Variants in MACF1 observed in about 807,000 individuals in gnomAD.
MACF1 encodes microtubule-actin cross-linking factor 1.
MACF1 carries 193 observed loss-of-function variants against 854.8 expected under a neutral mutation model. That is an observed-to-expected ratio of 0.23 (90% CI 0.20 to 0.25). The LOEUF (loss-of-function observed/expected upper bound fraction) is 0.25. Ranked by LOEUF, MACF1 falls within the 10% of genes least tolerant of loss-of-function variation. The pLI, the probability that MACF1 is intolerant of heterozygous loss-of-function variation, is 1.00. For missense variants in MACF1, 7,722 were observed against 8,929.1 expected, an observed-to-expected ratio of 0.86 and a Z score of 5.45; for synonymous variants, 3,185 against 3,226.7, an observed-to-expected ratio of 0.99 and a Z score of 0.44.
chr1:39,403,414 A>T (rs1464425659), intron 58 of MACF1, among the ~76,000 whole-genome samples: 1 of 152,038 alleles, frequency 6.6e-6, no homozygotes, highest in Non-Finnish European at 1.5e-5. Flanking sequence ...CTATATCTCT[A>T]TCCCAGCATT....
At chr1:39,098,363 C>T (rs1464166461) in intron 2 of MACF1, among the ~76,000 whole-genome samples, 1 of 152,188 alleles carries the variant, frequency 6.6e-6, no homozygotes, top group East Asian at 1.9e-4. Flanking sequence ...TCAAGGTCTC[C>T]CAGCCAGTAA....
intron 14 of MACF1, among the ~76,000 whole-genome samples, chr1:39,286,277 G>T (rs1645639280): frequency 6.6e-6 from 1 of 151,944 alleles, no homozygotes; most frequent in Admixed American, 6.6e-5. Flanking sequence ...GCCTCCCAAA[G>T]TGCTGGGATT....
At chr1:39,432,343 GA>G (rs552753339) in intron 66 of MACF1, among the ~76,000 whole-genome samples, 191 bp from the exon 67 acceptor site, 1 of 152,160 alleles carries the variant, frequency 6.6e-6, no homozygotes, top group Non-Finnish European at 1.5e-5. Context: ...TAAAGAAATT[GA>G]AATGTGGTCA....
chr1:39,130,661 T>C (rs553879592), intron 2 of MACF1, among the ~76,000 whole-genome samples: 3 of 152,242 alleles, frequency 2.0e-5, no homozygotes, highest in African/African-American at 7.2e-5. Flanking sequence ...CTAATTTATA[T>C]CCTTGAAATT....
Position 39,336,639 on chromosome 1 carries a change from T to C in MACF1, c.10051T>C (p.Phe3351Leu). 6.2e-7 allele frequency: 1 copy of C among 1,604,978 alleles called. No individual in the cohort carries two copies. The highest frequency in any genetic ancestry group is 8.5e-7 in the Non-Finnish European group (1 of 1,177,828). Residue 3351 changes from phenylalanine (F) to leucine (L), a missense_variant, in exon 37 of 101, where the codon TTC becomes CTC. By Grantham distance (22) the Phe-to-Leu change is conservative (BLOSUM62 0). Transcript: ENST00000564288. ...KGNGGVNPEP[F>L]RATQNVFTRQ... ...AAATGGAGGTGTAAACCCAGAGCCC[T>C]TCAGAGCAACTCAGGTCAGTGGTGT...
chr1:39,336,678 TC>T (rs1445344144), intron 37 of MACF1, 25 bp downstream of exon 37: 28 of 1,537,712 alleles, frequency 1.8e-5, no homozygotes, highest in Non-Finnish European at 2.3e-5. Context: ...TTTTTTTTTT[TC>T]TTCCTAAAGA....
Position 39,204,924 on chromosome 1 carries a change from C to T in MACF1, c.-99C>T. The T allele has an allele frequency of 1.5e-6, 1 of 659,820 alleles. No individual in the cohort carries two copies. The highest frequency in any genetic ancestry group is 2.7e-6 in the Non-Finnish European group (1 of 364,750). The allele number at this position is 659,820 out of a possible 1,614,324, so 40.9% of individuals were successfully genotyped here. A position where few individuals can be genotyped will look rare whatever the true frequency, so the allele number is the denominator to read the frequency against. On this transcript the variant is annotated 5_prime_UTR_variant, in exon 1 of 101. Transcript: ENST00000564288. ...CACTAAGCTCCGGCCTCTGCCTCTG[C>T]TGATAGTACAGGACAACAGTAACCT...
At chr1:39,217,882 CAA>C (rs751580827) in intron 1 of MACF1, among the ~76,000 whole-genome samples, 47 of 100,014 alleles carry the variant, frequency 4.7e-4, no homozygotes, top group Admixed American at 5.7e-4. Context: ...GACCCTGTCT[CAA>C]AAAAAAAAAA....
rs1641616501 is a variant in MACF1, at chr1:39,084,521, AG to A, written c.220+87del. ...GGCACAGCAGCTGTGTGGGGAGCCGAGGGGTCCTCACCAGGGCCTCTGACAA... is the reference window on the plus strand; with the variant it reads ...GGCACAGCAGCTGTGTGGGGAGCCGAGGGTCCTCACCAGGGCCTCTGACAA... On this transcript the variant is annotated intron_variant, in intron 2 of 93. Coordinates refer to the MACF1 transcript ENST00000361689. The surrounding 1 kb of genome is among the most constrained non-coding windows in gnomAD (Gnocchi z 5.2). 8 of 1,162,674 alleles carry A rather than the reference AG, an allele frequency of 6.9e-6. No individual in the cohort carries two copies. The highest frequency in any genetic ancestry group is 8.6e-6 in the Non-Finnish European group (7 of 810,218). 72.0% of individuals were successfully genotyped at this position (1,162,674 alleles called of 1,614,324 possible). A position where few individuals can be genotyped will look rare whatever the true frequency, so the allele number is the denominator to read the frequency against.
chr1:39,244,141 G>A (rs1173900988), intron 2 of MACF1, among the ~76,000 whole-genome samples: 2 of 151,872 alleles, frequency 1.3e-5, no homozygotes, highest in East Asian at 1.9e-4. Flanking sequence ...GTCTCACTCT[G>A]TTGCTCAGGC....
At chr1:39,235,488 A>G (rs1187781270) in intron 2 of MACF1, among the ~76,000 whole-genome samples, 1 of 152,240 alleles carries the variant, frequency 6.6e-6, no homozygotes, top group Non-Finnish European at 1.5e-5. Flanking sequence ...TCATGTAGCC[A>G]GTTGTTCAAG....
At chr1:39,232,187 G>A (rs1644785488) in intron 2 of MACF1, among the ~76,000 whole-genome samples, 1 of 150,678 alleles carries the variant, frequency 6.6e-6, no homozygotes, top group African/African-American at 2.4e-5. Flanking sequence ...CCAAAACAGA[G>A]GCATGTTAAG....
Position 39,460,139 on chromosome 1 carries a change from TTC to T in MACF1, c.21361-492_21361-491del. Among the ~76,000 whole-genome samples, 1 of 152,298 alleles carries T rather than the reference TTC, an allele frequency of 6.6e-6. No homozygotes were observed. Among genetic ancestry groups the T allele is most frequent in the East Asian group, 1.9e-4 (1 of 5,194 alleles). ...AAACATGCTTGGATACAACATTGGGTTCCCAATGCTTCCATCCAGAACTCAGA... is the reference window on the plus strand; with the variant it reads ...AAACATGCTTGGATACAACATTGGGTCCAATGCTTCCATCCAGAACTCAGA... On this transcript the variant is annotated intron_variant, in intron 91 of 100. Coordinates refer to ENST00000564288, the MANE Select transcript of MACF1 (RefSeq NM_001394062.1). The surrounding 1 kb of genome is among the most constrained non-coding windows in gnomAD (Gnocchi z 4.1).
chr1:39,384,451 T>C (rs756015952), intron 56 of MACF1, among the ~76,000 whole-genome samples: 3 of 152,216 alleles, frequency 2.0e-5, no homozygotes, highest in Admixed American at 6.5e-5. Context: ...GTCCTCATTT[T>C]ACAGATGAGG....
intron 56 of MACF1, among the ~76,000 whole-genome samples, chr1:39,383,599 C>T (rs910309638): frequency 6.6e-6 from 1 of 152,028 alleles, no homozygotes; most frequent in Admixed American, 6.6e-5. Flanking sequence ...TGGCATTGGC[C>T]GGGCACGGTG....
chr1:39,264,003 G>A (rs776953872), intron 6 of MACF1, among the ~76,000 whole-genome samples: 1 of 151,946 alleles, frequency 6.6e-6, no homozygotes, highest in Non-Finnish European at 1.5e-5. Context: ...TTGATCTTCT[G>A]ACCTCATGAT....
intron 1 of MACF1, chr1:39,215,413 T>C (rs953343535): frequency 6.6e-6 from 1 of 152,116 alleles, no homozygotes; most frequent in Non-Finnish European, 1.5e-5. Flanking sequence ...ACCTGGTTTG[T>C]CGCATGTGCT....
rs1278916083 is a variant in MACF1, at chr1:39,181,370, A to G, written c.221-49812A>G. On this transcript the variant is annotated intron_variant, in intron 2 of 93. Transcript: ENST00000361689. Reference sequence around the variant, plus strand: ...ACATTGCCTTTTACTTTATACGTTCATGCATTGGAAGACTTAATATTGTTA... The same window carrying G: ...ACATTGCCTTTTACTTTATACGTTCGTGCATTGGAAGACTTAATATTGTTA... 2.0e-5 allele frequency among the ~76,000 whole-genome samples: 3 copies of G among 152,222 alleles called. No individual in the cohort carries two copies. In the East Asian group the frequency reaches 5.8e-4, roughly 29 times the overall value.
chr1:39,412,752 C>G (rs751134823), intron 58 of MACF1: 3 of 1,613,018 alleles, frequency 1.9e-6, no homozygotes, highest in Non-Finnish European at 2.5e-6. Flanking sequence ...AATGGATACC[C>G]GTCCTCCAGA....
Sources: allele counts gnomAD v4.1 joint callset (sites outside exome capture counted in the v4.1 genomes callset), GRCh38; gene constraint gnomAD v4.1.1; non-coding constraint Gnocchi (gnomAD v3.1); transcripts MANE v1.5; gene names NCBI Gene and HGNC (gene_info 2026-07-23, HGNC 2026-07-21).